Variants in NR5A1 observed in about 807,000 individuals in gnomAD.
NR5A1 encodes steroidogenic factor 1.
In NR5A1, 6 loss-of-function variants were observed where a neutral mutation model predicts 42.7. The ratio of observed to expected loss-of-function variants is 0.14; its 90% CI spans 0.08 to 0.28. The LOEUF (loss-of-function observed/expected upper bound fraction) is 0.28, where lower values mean the gene tolerates loss of function less well. NR5A1 is among the 10% of genes least tolerant of loss of function. NR5A1 has a pLI of 1.00. For missense variants in NR5A1, 442 were observed against 626.4 expected (o/e 0.71, Z 3.14); for synonymous variants, 274 against 277.5 (o/e 0.99, Z 0.12).
chr9:124,496,184 GCA>G lies in NR5A1; in HGVS notation c.871-3037_871-3036del, dbSNP rs59598562. Among the ~76,000 whole-genome samples the G allele has an allele frequency of 0.034, 5,092 of 147,866 alleles. 264 individuals carry two copies. The highest frequency in any genetic ancestry group is 0.12 in the African/African-American group (4,714 of 40,504). Reference sequence around the variant, plus strand: ...ACACTCCCCACACAGATGAGAATGCGCACACACACACACACACACACACAACC... The same window carrying G: ...ACACTCCCCACACAGATGAGAATGCGCACACACACACACACACACACAACC... On this transcript the variant is annotated intron_variant, in intron 4 of 6. Transcript: ENST00000373588. This position sits in a 1 kb window ranked among gnomAD's most constrained non-coding sequence, Gnocchi z 5.0.
intron 6 of NR5A1, 65 bp downstream of exon 6, chr9:124,491,016 C>CCGCCCCG: frequency 1.8e-6 from 1 of 564,596 alleles, no homozygotes; most frequent in Non-Finnish European, 3.2e-6. Flanking sequence ...TCTCCAGCCT[C>CCGCCCCG]ACCCACCCTC....
At chr9:124,491,258 A>G (rs759128350) in intron 5 of NR5A1, 30 bp from the exon 6 acceptor site, 2 of 1,568,378 alleles carry the variant, frequency 1.3e-6, no homozygotes, top group Admixed American at 1.7e-5. Context: ...GGCGGGGGAC[A>G]GTCAGAGGAC....
In NR5A1 at chr9:124,493,141, G is replaced by T. The variant is rs1204157322; in HGVS notation, c.879C>A (p.Asp293Glu). ...AGCAGTTCTGCAGCAGCGTCATCTGGTCGGCCACCTGGAAGGAAGAGGCAC... is the reference window on the plus strand; with the variant it reads ...AGCAGTTCTGCAGCAGCGTCATCTGTTCGGCCACCTGGAAGGAAGAGGCAC... ...CMVFKELEVADQMTLLQNCWS... is the reference protein window; with the variant it reads ...CMVFKELEVAEQMTLLQNCWS... Residue 293 changes from aspartate to glutamate, a missense_variant, in exon 5 of 7, where the codon GAC becomes GAA. This residue lies in a region of NR5A1 where 163 missense variants were observed against 265.8 expected (regional missense o/e 0.61). Coordinates refer to ENST00000373588, the MANE Select transcript of NR5A1 (RefSeq NM_004959.5). 1 of 1,611,074 alleles carries T rather than the reference G, an allele frequency of 6.2e-7. No homozygotes were observed. The highest frequency in any genetic ancestry group is 1.7e-5 in the Admixed American group (1 of 59,962).
At chr9:124,484,295 T>C (rs1832175029) in intron 6 of NR5A1, among the ~76,000 whole-genome samples, 1 of 152,204 alleles carries the variant, frequency 6.6e-6, no homozygotes, top group Admixed American at 6.5e-5. Flanking sequence ...GGAGGGGGCC[T>C]GGATGGCCAC....
rs1002288002 is a variant in NR5A1, at chr9:124,496,876, T to C, written c.870+3214A>G. On this transcript the variant is annotated intron_variant, in intron 4 of 6. Coordinates refer to ENST00000373588, the MANE Select transcript of NR5A1 (RefSeq NM_004959.5). The surrounding 1 kb of genome is among the most constrained non-coding windows in gnomAD (Gnocchi z 5.0). The stretch of plus-strand genomic sequence containing the variant: ...TCCCTTGCATCCTCCCAGCCTGTCC[T>C]TCGCAGTAAGTGACGAGAGGCTGAC... Among the ~76,000 whole-genome samples the C allele has an allele frequency of 1.3e-5, 2 of 152,226 alleles. No individual in the cohort carries two copies. The highest frequency in any genetic ancestry group is 2.9e-5 in the Non-Finnish European group (2 of 68,032).
At chr9:124,494,797 C>T (rs886097045) in intron 4 of NR5A1, among the ~76,000 whole-genome samples, 1 of 152,174 alleles carries the variant, frequency 6.6e-6, no homozygotes, top group Admixed American at 6.5e-5. Flanking sequence ...AGAAGGGCCA[C>T]TCCCCACCTG....
intron 1 of NR5A1, among the ~76,000 whole-genome samples, chr9:124,505,441 T>C (rs1391686111): frequency 6.6e-6 from 1 of 151,988 alleles, no homozygotes; most frequent in Non-Finnish European, 1.5e-5. Context: ...CTGTAGCAGC[T>C]CTCTCCCCGT....
chr9:124,493,166 C>T lies in NR5A1; in HGVS notation c.871-17G>A, dbSNP rs763448343. The T allele has an allele frequency of 1.2e-5, 20 of 1,607,340 alleles. No individual in the cohort carries two copies. The highest frequency in any genetic ancestry group is 1.6e-4 in the Middle Eastern group (1 of 6,068). ...GTCGGCCACCTGGAAGGAAGAGGCA[C>T]GCGGGGGGCCGGGCTCCAGCCAGGG... is the stretch of plus-strand genomic sequence containing the variant. On this transcript the variant is annotated splice_polypyrimidine_tract_variant and intron_variant, in intron 4 of 6. Coordinates refer to ENST00000373588, the MANE Select transcript of NR5A1 (RefSeq NM_004959.5).
rs2131268730 is a variant in NR5A1, at chr9:124,482,397, C to T, written c.*361G>A. 2 of 362,610 alleles carry T rather than the reference C, an allele frequency of 5.5e-6. No individual in the cohort carries two copies. Among genetic ancestry groups the T allele is most frequent in the East Asian group, 6.8e-5 (1 of 14,630 alleles). 22.5% of individuals were successfully genotyped at this position (362,610 alleles called of 1,614,324 possible). On this transcript the variant is annotated 3_prime_UTR_variant, in exon 7 of 7. Transcript: ENST00000373588. ...AAGGGATGACCTCTGATCCAAGGGA[C>T]GTCGAGGCCCACCAGGGAATCCCGA...
chr9:124,490,573 C>T (rs1832292391), intron 6 of NR5A1, among the ~76,000 whole-genome samples: 1 of 152,174 alleles, frequency 6.6e-6, no homozygotes, highest in South Asian at 2.1e-4. Flanking sequence ...GTGTTAGGAA[C>T]CTACGTCTTA....
At chr9:124,488,236 T>C (rs1346930571) in intron 6 of NR5A1, among the ~76,000 whole-genome samples, 1 of 152,090 alleles carries the variant, frequency 6.6e-6, no homozygotes, top group Admixed American at 6.5e-5. Context: ...CAAGTGGTGC[T>C]GGTTTCTCCC....
At chr9:124,493,195 A>C in intron 4 of NR5A1, 46 bp from the exon 5 acceptor site, 1 of 1,585,714 alleles carries the variant, frequency 6.3e-7, no homozygotes, top group Non-Finnish European at 8.6e-7. Flanking sequence ...GCCAGGGTCC[A>C]GGGACCTTCC....
At chr9:124,490,524 A>C (rs749238718) in intron 6 of NR5A1, among the ~76,000 whole-genome samples, 22 of 152,208 alleles carry the variant, frequency 1.4e-4, no homozygotes, top group Non-Finnish European at 3.1e-4. Context: ...TTTCCTCCTT[A>C]GCACTGGTCA....
chr9:124,500,523 C>A lies in NR5A1; in HGVS notation c.437G>T (p.Gly146Val), dbSNP rs1110061. 2 of 1,607,492 alleles carry A rather than the reference C, an allele frequency of 1.2e-6. No homozygotes were observed. The highest frequency in any genetic ancestry group is 2.2e-5 in the East Asian group (1 of 44,776). The change falls in exon 4 of 7, where the codon GGG becomes GTG. Residue 146 changes from glycine (G) to valine (V), a missense_variant. Gly to Val is a moderately radical substitution (Grantham distance 109, BLOSUM62 -3). Coordinates refer to ENST00000373588, the MANE Select transcript of NR5A1 (RefSeq NM_004959.5). The surrounding 1 kb of genome is among the most constrained non-coding windows in gnomAD (Gnocchi z 6.9). Reference protein sequence around the residue: ...PDYVLPPSLHGPEPKGLAAGP... With the variant: ...PDYVLPPSLHVPEPKGLAAGP... Reference sequence around the variant, plus strand: ...GGCGGCCAGGCCCTTGGGCTCAGGCCCATGCAGGCTGGGAGGCAGCACGTA... The same window carrying A: ...GGCGGCCAGGCCCTTGGGCTCAGGCACATGCAGGCTGGGAGGCAGCACGTA...
intron 6 of NR5A1, among the ~76,000 whole-genome samples, chr9:124,484,138 C>G (rs935833040): frequency 3.9e-5 from 6 of 152,184 alleles, no homozygotes; most frequent in Non-Finnish European, 7.3e-5. Context: ...GAACACCATG[C>G]TGAAAACGCA....
intron 6 of NR5A1, among the ~76,000 whole-genome samples, chr9:124,486,978 G>T (rs971736338): frequency 1.3e-5 from 2 of 152,236 alleles, no homozygotes; most frequent in African/African-American, 4.8e-5. Flanking sequence ...GGGTGGCAAG[G>T]AGCTGGCTCT....
At chr9:124,487,736 G>T (rs1436321036) in intron 6 of NR5A1, among the ~76,000 whole-genome samples, 1 of 152,202 alleles carries the variant, frequency 6.6e-6, no homozygotes, top group Non-Finnish European at 1.5e-5. Flanking sequence ...AGGTCTGCTG[G>T]CAAGTGGCGG....
At position 124,494,461 on chromosome 9, in the gene NR5A1, C is replaced by T. The variant is rs75216842; in HGVS notation, c.871-1312G>A. 1.6e-4 allele frequency among the ~76,000 whole-genome samples: 25 copies of T among 152,328 alleles called. No homozygotes were observed. In the East Asian group the frequency reaches 3.3e-3, roughly 20 times the overall value. ...CCTCTACCTGATCCCTCTCCTTCCTCGAGGCCCTCTCCACCCTCTGGATGC... is the reference window on the plus strand; with the variant it reads ...CCTCTACCTGATCCCTCTCCTTCCTTGAGGCCCTCTCCACCCTCTGGATGC... On this transcript the variant is annotated intron_variant, in intron 4 of 6. Transcript: ENST00000373588.
At chr9:124,490,580 C>T (rs2131277030) in intron 6 of NR5A1, among the ~76,000 whole-genome samples, 1 of 152,290 alleles carries the variant, frequency 6.6e-6, no homozygotes, top group Non-Finnish European at 1.5e-5. Flanking sequence ...GAACCTACGT[C>T]TTACTAATCA....
Sources: allele counts gnomAD v4.1 joint callset (sites outside exome capture counted in the v4.1 genomes callset), GRCh38; gene constraint gnomAD v4.1.1; regional missense constraint gnomAD v4.1.1; non-coding constraint Gnocchi (gnomAD v3.1); transcripts MANE v1.5; gene names NCBI Gene and HGNC (gene_info 2026-07-23, HGNC 2026-07-21).